TEX11: variants seen among roughly 807,000 people sequenced by gnomAD.
The protein encoded by TEX11 is testis expressed 11, also known as testis-expressed protein 11.
TEX11 carries 7 observed loss-of-function variants against 84.4 expected under a neutral mutation model. That is an observed-to-expected ratio of 0.08 (90% CI 0.05 to 0.16). The LOEUF is 0.16. Among genes scored for constraint, TEX11 ranks in the 10% least tolerant of loss-of-function variants. TEX11 has a pLI of 1.00. For missense variants in TEX11, 551 were observed against 660.5 expected (o/e 0.83, Z 1.82); for synonymous variants, 264 against 222.8 (o/e 1.18, Z -1.64).
downstream of TEX11, among the ~76,000 whole-genome samples, chrX:70,524,015 G>A (rs761236844): frequency 6.3e-4 from 70 of 110,831 alleles, no homozygotes; most frequent in Non-Finnish European, 9.8e-4. Context: ...GTAAAGCTTC[G>A]AAAATAGGTA....
intron 25 of TEX11, among the ~76,000 whole-genome samples, chrX:70,569,024 C>G (rs1306356842): frequency 2.7e-5 from 3 of 111,866 alleles, no homozygotes; most frequent in African/African-American, 9.8e-5. Flanking sequence ...TCCATTCTCC[C>G]CGTCACCTTC....
chrX:70,677,535 C>A (rs1237978375), intron 15 of TEX11, among the ~76,000 whole-genome samples: 1 of 112,004 alleles, frequency 8.9e-6, no homozygotes, highest in Admixed American at 9.5e-5. Context: ...TCTTTTAAGT[C>A]TTTTATTCAG....
intron 8 of TEX11, among the ~76,000 whole-genome samples, chrX:70,814,561 T>A (rs1225600648): frequency 8.9e-6 from 1 of 112,669 alleles, no homozygotes; most frequent in Non-Finnish European, 1.9e-5. Flanking sequence ...GAGAGAAATG[T>A]ACAGAATATT....
At chrX:70,610,070 T>C (rs1352005094) in intron 21 of TEX11, among the ~76,000 whole-genome samples, 1 of 106,797 alleles carries the variant, frequency 9.4e-6, no homozygotes, top group Non-Finnish European at 1.9e-5. Context: ...TTTCACCTGT[T>C]CAATTCTTAG....
intron 20 of TEX11, among the ~76,000 whole-genome samples, chrX:70,617,344 T>TTATA (rs397784762): frequency 2.7e-4 from 28 of 103,404 alleles, no homozygotes; most frequent in East Asian, 6.0e-4. Context: ...AGTGAAGGTT[T>TTATA]TATATATATA....
At chrX:70,718,077 C>A (rs1161084959) in intron 13 of TEX11, among the ~76,000 whole-genome samples, 1 of 111,472 alleles carries the variant, frequency 9.0e-6, no homozygotes, top group Non-Finnish European at 1.9e-5. Flanking sequence ...AGTGGAAATT[C>A]GGGTACCGTA....
At chrX:70,721,431 A>C (rs2090558210) in intron 13 of TEX11, among the ~76,000 whole-genome samples, 1 of 112,245 alleles carries the variant, frequency 8.9e-6, no homozygotes, top group Non-Finnish European at 1.9e-5. Context: ...TTTAAAAAAT[A>C]AAAATTAAGT....
intron 13 of TEX11, among the ~76,000 whole-genome samples, chrX:70,701,368 C>A (rs2090324539): frequency 8.9e-6 from 1 of 111,796 alleles, no homozygotes; most frequent in Non-Finnish European, 1.9e-5. Flanking sequence ...TATGCTAAAT[C>A]TTCTCTGCCT....
At chrX:70,894,634 A>G (rs929046946) in intron 2 of TEX11, among the ~76,000 whole-genome samples, 8 of 110,487 alleles carry the variant, frequency 7.2e-5, no homozygotes, top group African/African-American at 2.6e-4. Flanking sequence ...AAAAAAAAAA[A>G]AAAATACTGG....
At position 70,837,434 on chromosome X, in the gene TEX11, T is replaced by C. The variant is rs952615457; in HGVS notation, c.526-3841A>G. Among the ~76,000 whole-genome samples the C allele has an allele frequency of 2.7e-5, 3 of 110,532 alleles. No individual in the cohort carries two copies. The South Asian group carries it at 1.2e-3, about 43-fold the overall frequency. On this transcript the variant is annotated intron_variant, in intron 7 of 29. Coordinates refer to ENST00000374333, the MANE Select transcript of TEX11 (RefSeq NM_031276.3). ...AAAATTAGCCAGGCAAGGTGGCACA[T>C]GCCTGTAATCTCACGCTACTTGGGA...
At chrX:70,720,764 C>CATATATATAATATAT (rs2090552320) in intron 13 of TEX11, among the ~76,000 whole-genome samples, 1 of 100,691 alleles carries the variant, frequency 9.9e-6, no homozygotes, top group African/African-American at 3.7e-5. Context: ...ATATTATATA[C>CATATATATAATATAT]ATATATATAA....
At chrX:70,561,255 T>C (rs1324401971) in intron 25 of TEX11, among the ~76,000 whole-genome samples, 1 of 109,793 alleles carries the variant, frequency 9.1e-6, no homozygotes, top group Non-Finnish European at 1.9e-5. Flanking sequence ...TATAGATTAC[T>C]AGGCATTTGA....
At position 70,554,668 on chromosome X, in the gene TEX11, G is replaced by A; in HGVS notation, c.2273C>T (p.Thr758Ile). The change falls in exon 26 of 30, where the codon ACT becomes ATT. Residue 758 changes from threonine to isoleucine, a missense_variant. By Grantham distance (89) the Thr-to-Ile change is moderately conservative. Coordinates refer to ENST00000374333, the MANE Select transcript of TEX11 (RefSeq NM_031276.3). ...GCTCTTACTTGCAATTGTTTCAAAA[G>A]TTTTAGTTTCTAAATGAGGCAACTC... Reference protein sequence around the residue: ...VWELPHLETKTFETIAIIAME... With the variant: ...VWELPHLETKIFETIAIIAME... 8.3e-7 allele frequency: 1 copy of A among 1,200,960 alleles called. No homozygotes were observed. Among genetic ancestry groups the A allele is most frequent in the Non-Finnish European group, 1.1e-6 (1 of 891,017 alleles).
intron 28 of TEX11, among the ~76,000 whole-genome samples, chrX:70,545,253 A>G (rs1295287241): frequency 8.9e-6 from 1 of 112,594 alleles, no homozygotes; most frequent in Non-Finnish European, 1.9e-5. Flanking sequence ...ACTCTTTTGT[A>G]ATAACATTTA....
At chrX:70,543,197 TA>T (rs1445108936) in intron 28 of TEX11, among the ~76,000 whole-genome samples, 2 of 109,267 alleles carry the variant, frequency 1.8e-5, no homozygotes, top group African/African-American at 6.6e-5. Flanking sequence ...AATAAATAAA[TA>T]AAAAATAAAT....
chrX:70,650,819 T>C (rs1053892792), intron 17 of TEX11, among the ~76,000 whole-genome samples: 6 of 112,141 alleles, frequency 5.4e-5, no homozygotes, highest in Admixed American at 4.7e-4. Context: ...TTAATTCAGC[T>C]ACCTGAGGGC....
intron 13 of TEX11, among the ~76,000 whole-genome samples, chrX:70,705,438 C>T (rs768926683): frequency 1.5e-3 from 170 of 111,418 alleles, no homozygotes; most frequent in Non-Finnish European, 2.2e-3. Flanking sequence ...GCAATGGCAA[C>T]AAAAGCCAAA....
At chrX:70,651,286 C>A (rs1007181540) in intron 17 of TEX11, among the ~76,000 whole-genome samples, 164 bp downstream of exon 17, 2 of 111,733 alleles carry the variant, frequency 1.8e-5, no homozygotes, top group Non-Finnish European at 3.8e-5. Flanking sequence ...ATATAACCTT[C>A]CACGGTTTCT....
chrX:70,609,010 G>A, intron 22 of TEX11, 81 bp downstream of exon 22: 1 of 797,082 alleles, frequency 1.3e-6, no homozygotes, highest in Non-Finnish European at 1.8e-6. Context: ...AGCTACAAAT[G>A]AAAGATCCAG....
Sources: allele counts gnomAD v4.1 joint callset (sites outside exome capture counted in the v4.1 genomes callset), GRCh38; gene constraint gnomAD v4.1.1; transcripts MANE v1.5; gene names NCBI Gene and HGNC (gene_info 2026-07-23, HGNC 2026-07-21).